TINAG: variants seen among roughly 807,000 people sequenced by gnomAD.
TINAG encodes tubulointerstitial nephritis antigen.
TINAG carries 83 observed loss-of-function variants against 72.7 expected under a neutral mutation model. That is an observed-to-expected ratio of 1.14 (90% confidence interval 0.96 to 1.37). The LOEUF is 1.37. TINAG is among the 40% of genes most tolerant of loss of function. The probability of loss-of-function intolerance (pLI) is 0.00; values close to 1 mark genes in which losing one functional copy is unlikely to be tolerated. For synonymous variants in TINAG, 234 were observed against 189.9 expected, an observed-to-expected ratio of 1.23 and a Z score of -1.91; for missense variants, 685 against 576.6, an observed-to-expected ratio of 1.19 and a Z score of -1.93.
chr6:54,314,980 TC>T (rs1218216945), intron 1 of TINAG, among the ~76,000 whole-genome samples: 2 of 152,146 alleles, frequency 1.3e-5, no homozygotes, highest in Non-Finnish European at 2.9e-5. Context: ...TAATTTTTTT[TC>T]TTTTGTTTTA....
rs898312190 is a variant in TINAG at position 54,380,657 on chromosome 6, T to G, written c.1296+86T>G. 2.8e-6 allele frequency: 3 copies of G among 1,080,296 alleles called. No individual in the cohort carries two copies. In the African/African-American group the frequency reaches 4.7e-5, roughly 17 times the overall value. The allele number at this position is 1,080,296 out of a possible 1,614,324, so 66.9% of individuals were successfully genotyped here. A position where few individuals can be genotyped will look rare whatever the true frequency, so the allele number is the denominator to read the frequency against. ...CCTCTGCTACCTGCTTTGTATTATT[T>G]AGTCACATCCTCAGCTGTGTAATAT... On this transcript the variant is annotated intron_variant, in intron 10 of 10. Coordinates refer to ENST00000259782, the MANE Select transcript of TINAG (RefSeq NM_014464.4).
intron 4 of TINAG, among the ~76,000 whole-genome samples, chr6:54,340,657 A>C (rs551106152): frequency 6.6e-6 from 1 of 152,226 alleles, no homozygotes; most frequent in East Asian, 1.9e-4. Context: ...TTTTTAGTAA[A>C]AGCAGTAATA....
Position 54,389,969 on chromosome 6 carries a change from CT to C in TINAG, c.*45del. The C allele has an allele frequency of 6.3e-7, 1 of 1,589,098 alleles. No homozygotes were observed. The highest frequency in any genetic ancestry group is 8.5e-7 in the Non-Finnish European group (1 of 1,172,478). ...TAAGGTCATGCCTTTAAGTAACCCC[CT>C]AAATTGAAGTTTAGCAATATGACAT... On this transcript the variant is annotated 3_prime_UTR_variant, in exon 11 of 11. Coordinates refer to ENST00000259782, the MANE Select transcript of TINAG (RefSeq NM_014464.4).
chr6:54,376,723 T>G (rs992197026), intron 9 of TINAG, among the ~76,000 whole-genome samples: 2 of 152,142 alleles, frequency 1.3e-5, no homozygotes, highest in Non-Finnish European at 2.9e-5. Flanking sequence ...TACAGGATCT[T>G]AAATCACTCT....
At chr6:54,368,783 T>C (rs897604546) in intron 9 of TINAG, among the ~76,000 whole-genome samples, 6 of 151,680 alleles carry the variant, frequency 4.0e-5, no homozygotes, top group Non-Finnish European at 7.4e-5. Context: ...ATTGAATTTT[T>C]TTAACTAATA....
chr6:54,364,038 T>C (rs1763327326), intron 9 of TINAG, among the ~76,000 whole-genome samples: 1 of 151,450 alleles, frequency 6.6e-6, no homozygotes, highest in African/African-American at 2.4e-5. Flanking sequence ...CTTTAGGAGC[T>C]AGAAGGTTAG....
At chr6:54,385,096 A>G (rs1764061212) in intron 10 of TINAG, among the ~76,000 whole-genome samples, 1 of 152,140 alleles carries the variant, frequency 6.6e-6, no homozygotes, top group Non-Finnish European at 1.5e-5. Context: ...TAAAAGGTTG[A>G]AAAGAATAAT....
chr6:54,363,286 C>T (rs778308063), intron 9 of TINAG, among the ~76,000 whole-genome samples: 5 of 151,488 alleles, frequency 3.3e-5, no homozygotes, highest in Non-Finnish European at 7.4e-5. Flanking sequence ...AGAAAAGTGG[C>T]ATAATCTTTG....
intron 8 of TINAG, among the ~76,000 whole-genome samples, chr6:54,352,551 A>C (rs1785291689): frequency 6.6e-6 from 1 of 151,840 alleles, no homozygotes; most frequent in South Asian, 2.1e-4. Context: ...CTCTAATTTC[A>C]ATGCATGCTC....
chr6:54,327,489 A>G (rs1784635282), intron 4 of TINAG, among the ~76,000 whole-genome samples: 1 of 152,026 alleles, frequency 6.6e-6, no homozygotes, highest in African/African-American at 2.4e-5. Flanking sequence ...TGCCTACACT[A>G]CCAGGACCCT....
At chr6:54,360,874 A>ATTTTTTTTTT (rs1763214591) in intron 9 of TINAG, among the ~76,000 whole-genome samples, 1 of 24,982 alleles carries the variant, frequency 4.0e-5, no homozygotes, top group Non-Finnish European at 1.0e-4. Context: ...TTTTTTTTTC[A>ATTTTTTTTTT]AATTGAAAGT....
At chr6:54,368,320 GTAA>G (rs1419921728) in intron 9 of TINAG, among the ~76,000 whole-genome samples, 3 of 146,828 alleles carry the variant, frequency 2.0e-5, no homozygotes, top group Non-Finnish European at 4.5e-5. Context: ...TAATTATTAA[GTAA>G]TAATCAAATA....
chr6:54,343,896 T>C (rs765818993), intron 5 of TINAG, among the ~76,000 whole-genome samples: 1 of 152,166 alleles, frequency 6.6e-6, no homozygotes, highest in Non-Finnish European at 1.5e-5. Context: ...TTAATAAGAA[T>C]AGCTTCTAAA....
At chr6:54,326,592 G>T (rs1784607547) in intron 3 of TINAG, among the ~76,000 whole-genome samples, 1 of 151,972 alleles carries the variant, frequency 6.6e-6, no homozygotes, top group African/African-American at 2.4e-5. Flanking sequence ...ACTTGAAATG[G>T]ACCTTATTTA....
At position 54,321,952 on chromosome 6, in the gene TINAG, G is replaced by A. The variant is rs569527014; in HGVS notation, c.509+566G>A. Among the ~76,000 whole-genome samples, 19 of 152,276 alleles carry A rather than the reference G, an allele frequency of 1.2e-4. No homozygotes were observed. The South Asian group carries it at 1.7e-3, about 13-fold the overall frequency. On this transcript the variant is annotated intron_variant, in intron 3 of 10. Coordinates refer to ENST00000259782, the MANE Select transcript of TINAG (RefSeq NM_014464.4). ...CACTGAAACATTGGAAATAACTGAT[G>A]CTCTCATGCAGATTGAAAAATTAGG...
intron 9 of TINAG, among the ~76,000 whole-genome samples, chr6:54,378,807 G>C (rs1392225453): frequency 1.3e-5 from 2 of 152,056 alleles, no homozygotes; most frequent in Non-Finnish European, 2.9e-5. Flanking sequence ...AAGTGGGAAG[G>C]CAACCTAGTC....
intron 1 of TINAG, among the ~76,000 whole-genome samples, chr6:54,316,074 C>G (rs1784366824): frequency 6.6e-6 from 1 of 152,140 alleles, no homozygotes; most frequent in African/African-American, 2.4e-5. Flanking sequence ...TTTACGTGTT[C>G]CCACATCTAC....
chr6:54,335,848 T>C (rs1001909642), intron 4 of TINAG, among the ~76,000 whole-genome samples: 2 of 152,146 alleles, frequency 1.3e-5, no homozygotes, highest in African/African-American at 4.8e-5. Context: ...TGATAGACTA[T>C]ACATACAGCC....
chr6:54,382,270 A>C (rs1022363746), intron 10 of TINAG, among the ~76,000 whole-genome samples: 7 of 152,210 alleles, frequency 4.6e-5, no homozygotes, highest in African/African-American at 1.7e-4. Flanking sequence ...TATTTTGCAC[A>C]TTAATTGAGG....
Sources: gnomAD v4.1 joint callset for allele counts (sites outside exome capture counted in the v4.1 genomes callset) on GRCh38, gnomAD v4.1.1 for gene constraint, MANE v1.5 for transcripts, NCBI Gene and HGNC (gene_info 2026-07-23, HGNC 2026-07-21) for gene names.